CBLB: variants seen among roughly 807,000 people sequenced by gnomAD.
CBLB encodes Cbl proto-oncogene B.
Under a neutral mutation model 104.9 loss-of-function variants are expected in CBLB, and 31 were observed. That is an observed-to-expected ratio of 0.30 (90% CI 0.22 to 0.40). CBLB has a LOEUF of 0.40. CBLB is among the 10% of genes least tolerant of loss of function. The pLI is 1.00. For synonymous variants in CBLB, 440 were observed against 422.6 expected, an observed-to-expected ratio of 1.04 and a Z score of -0.51; for missense variants, 1,062 against 1,214.6, an observed-to-expected ratio of 0.87 and a Z score of 1.87.
At chr3:105,851,374 CA>C (rs150681178) in intron 3 of CBLB, among the ~76,000 whole-genome samples, 11,014 of 151,936 alleles carry the variant, frequency 0.072, 596 homozygotes, top group East Asian at 0.29. Flanking sequence ...GCCATGGGTT[CA>C]GGGGGGGAAG....
intron 5 of CBLB, chr3:105,749,700 C>T (rs1273599889): frequency 4.1e-6 from 1 of 242,008 alleles, no homozygotes; most frequent in South Asian, 3.9e-5. Context: ...AAGCAAAGCT[C>T]TTACTATTTA....
chr3:105,864,091 G>C (rs565596432), intron 2 of CBLB, among the ~76,000 whole-genome samples: 2 of 152,246 alleles, frequency 1.3e-5, no homozygotes, highest in Admixed American at 1.3e-4. Context: ...GTTCCTAAAA[G>C]GCAATGGCCA....
chr3:105,835,696 C>T (rs962488243), intron 3 of CBLB, among the ~76,000 whole-genome samples: 1 of 152,136 alleles, frequency 6.6e-6, no homozygotes, highest in Non-Finnish European at 1.5e-5. Flanking sequence ...AAATTGAAAG[C>T]TTCCTAAAAT....
intron 3 of CBLB, among the ~76,000 whole-genome samples, chr3:105,840,977 T>A (rs4243427): frequency 1.3e-5 from 2 of 151,874 alleles, no homozygotes; most frequent in Non-Finnish European, 2.9e-5. Flanking sequence ...TATTAAAGTT[T>A]TTTTTCTAAT....
At chr3:105,849,542 A>T (rs2090689487) in intron 3 of CBLB, among the ~76,000 whole-genome samples, 1 of 152,122 alleles carries the variant, frequency 6.6e-6, no homozygotes, top group South Asian at 2.1e-4. Flanking sequence ...ACAAAACTTA[A>T]ATGTCTCCCA....
intron 7 of CBLB, among the ~76,000 whole-genome samples, chr3:105,740,018 C>T (rs1158405676): frequency 6.6e-6 from 1 of 152,046 alleles, no homozygotes; most frequent in African/African-American, 2.4e-5. Flanking sequence ...CAGGGGAATC[C>T]CTTGAACCCA....
intron 3 of CBLB, among the ~76,000 whole-genome samples, chr3:105,794,812 A>G (rs2082072495): frequency 6.6e-6 from 1 of 152,228 alleles, no homozygotes; most frequent in African/African-American, 2.4e-5. Context: ...AAAACAGAGT[A>G]TATACATACC....
At chr3:105,696,104 A>ATATATAATT (rs1259161742) in intron 12 of CBLB, among the ~76,000 whole-genome samples, 5 of 151,660 alleles carry the variant, frequency 3.3e-5, no homozygotes, top group African/African-American at 1.2e-4. Flanking sequence ...ACACACACAT[A>ATATATAATT]TATATAATTT....
intron 3 of CBLB, among the ~76,000 whole-genome samples, chr3:105,800,676 C>G (rs2082749278): frequency 6.6e-6 from 1 of 151,836 alleles, no homozygotes; most frequent in African/African-American, 2.4e-5. Flanking sequence ...AAAATATACA[C>G]AAACCCCCCC....
rs188737477 is a variant in CBLB, at chr3:105,719,192, A to G, written c.1407+855T>C. ...TCAGACACTTCTTCTAGATTTGAAC[A>G]AAGAATATTTTTAATCAAATTCAGT... On this transcript the variant is annotated intron_variant, in intron 10 of 18. Transcript: ENST00000394030. Among the ~76,000 whole-genome samples, 34 of 152,364 alleles carry G rather than the reference A, an allele frequency of 2.2e-4. No homozygotes were observed. In the East Asian group the frequency reaches 6.4e-3, roughly 29 times the overall value.
At chr3:105,780,868 T>C (rs2080177635) in intron 3 of CBLB, among the ~76,000 whole-genome samples, 1 of 152,044 alleles carries the variant, frequency 6.6e-6, no homozygotes, top group South Asian at 2.1e-4. Context: ...TTCACCGTGT[T>C]AGCCAGGATG....
At position 105,781,153 on chromosome 3, in the gene CBLB, C is replaced by T. The variant is rs115859604; in HGVS notation, c.420-4611G>A. Among the ~76,000 whole-genome samples the T allele has an allele frequency of 2.0e-3, 310 of 152,216 alleles. 2 individuals carry two copies. The highest frequency in any genetic ancestry group is 7.2e-3 in the African/African-American group (301 of 41,536). On this transcript the variant is annotated intron_variant, in intron 3 of 18. Coordinates refer to ENST00000394030, the MANE Select transcript of CBLB (RefSeq NM_170662.5). ...AGAGAGATGTGAAATGAATCCACAA[C>T]GTCATCATCTAAGCAACAAGGTACC...
intron 14 of CBLB, among the ~76,000 whole-genome samples, chr3:105,684,314 T>C (rs2066718308): frequency 1.3e-5 from 2 of 152,196 alleles, no homozygotes; most frequent in African/African-American, 4.8e-5. Context: ...GAGTACCTCA[T>C]ATATTTCAGT....
chr3:105,818,401 T>C (rs1330251148), intron 3 of CBLB, among the ~76,000 whole-genome samples: 1 of 152,094 alleles, frequency 6.6e-6, no homozygotes, highest in Non-Finnish European at 1.5e-5. Flanking sequence ...TAGAAGGACA[T>C]TTAAAAAGTA....
At chr3:105,772,359 TA>T (rs1448532654) in intron 4 of CBLB, among the ~76,000 whole-genome samples, 1 of 152,032 alleles carries the variant, frequency 6.6e-6, no homozygotes, top group Non-Finnish European at 1.5e-5. Context: ...CTCACCTTAT[TA>T]AAAAATCAAC....
At chr3:105,678,311 G>A in intron 17 of CBLB, 120 bp downstream of exon 17, 1 of 965,464 alleles carries the variant, frequency 1.0e-6, no homozygotes, top group Admixed American at 1.9e-5. Context: ...TACCACCCAG[G>A]GATTTTTCTG....
At chr3:105,724,667 TC>T (rs1007394775) in intron 9 of CBLB, among the ~76,000 whole-genome samples, 1 of 152,172 alleles carries the variant, frequency 6.6e-6, no homozygotes, top group African/African-American at 2.4e-5. Flanking sequence ...CTATACGAAT[TC>T]CATTTTGTAA....
At chr3:105,845,223 C>G (rs1379217973) in intron 3 of CBLB, among the ~76,000 whole-genome samples, 4 of 151,390 alleles carry the variant, frequency 2.6e-5, no homozygotes, top group Non-Finnish European at 1.5e-5. Context: ...TTAACAAATG[C>G]TCATCTGTGG....
At chr3:105,832,083 T>C (rs7641527) in intron 3 of CBLB, among the ~76,000 whole-genome samples, 10,480 of 152,062 alleles carry the variant, frequency 0.069, 530 homozygotes, top group Admixed American at 0.15. Context: ...ATTAAAGCAA[T>C]GGATGAAAAT....
Sources: allele counts gnomAD v4.1 joint callset (sites outside exome capture counted in the v4.1 genomes callset), GRCh38; gene constraint gnomAD v4.1.1; transcripts MANE v1.5; gene names NCBI Gene and HGNC (gene_info 2026-07-23, HGNC 2026-07-21).